FAAH2: variants seen among roughly 807,000 people sequenced by gnomAD.
The protein encoded by FAAH2 is fatty-acid amide hydrolase 2.
FAAH2 carries 60 observed loss-of-function variants against 36.9 expected under a neutral mutation model. The observed-to-expected ratio is 1.63, with a 90% CI of 1.32 to 2.02. The LOEUF (loss-of-function observed/expected upper bound fraction) is 2.02, where lower values mean the gene tolerates loss of function less well. FAAH2 is among the 30% of genes most tolerant of loss of function. FAAH2 has a pLI of 0.00. For missense variants in FAAH2, 689 were observed against 397.5 expected (o/e 1.73, Z -6.23); for synonymous variants, 214 against 143.8 (o/e 1.49, Z -3.49).
intron 7 of FAAH2, among the ~76,000 whole-genome samples, chrX:57,416,170 C>T (rs1466357884): frequency 1.8e-5 from 2 of 111,101 alleles, no homozygotes; most frequent in East Asian, 2.8e-4. Flanking sequence ...TGGCTGTTGA[C>T]TCTTTATCCA....
At chrX:57,226,588 C>T in the FAAH2 span, among the ~76,000 whole-genome samples, 1 of 111,778 alleles carries the variant, frequency 8.9e-6, no homozygotes, top group Non-Finnish European at 1.9e-5. Context: ...AAGATTCTTT[C>T]CTTCATCTTA....
chrX:57,386,757 T>G (rs1275828239), intron 7 of FAAH2, among the ~76,000 whole-genome samples: 1 of 112,031 alleles, frequency 8.9e-6, no homozygotes, highest in Non-Finnish European at 1.9e-5. Context: ...CTAAATGGGT[T>G]TTTTCACTGT....
chrX:57,346,874 A>T (rs1284747529), intron 5 of FAAH2, among the ~76,000 whole-genome samples: 1 of 111,397 alleles, frequency 9.0e-6, no homozygotes, highest in Non-Finnish European at 1.9e-5. Flanking sequence ...TTCTTTGAGG[A>T]TGCTGACAAT....
chrX:57,425,209 AG>A (rs1435678853), intron 7 of FAAH2, among the ~76,000 whole-genome samples: 2 of 111,825 alleles, frequency 1.8e-5, no homozygotes, highest in Non-Finnish European at 3.8e-5. Context: ...GCCTTCAAAA[AG>A]TTTGGAACTA....
chrX:57,455,744 G>A (rs2056854482), intron 10 of FAAH2, among the ~76,000 whole-genome samples: 1 of 111,984 alleles, frequency 8.9e-6, no homozygotes, highest in South Asian at 3.6e-4. Context: ...CAATTCAACA[G>A]GAAGTCTTAA....
At chrX:57,249,830 G>A in the FAAH2 span, among the ~76,000 whole-genome samples, 1 of 111,968 alleles carries the variant, frequency 8.9e-6, no homozygotes, top group East Asian at 2.8e-4. Flanking sequence ...TTGAAGGAAG[G>A]CCACAGATTG....
the FAAH2 span, among the ~76,000 whole-genome samples, chrX:57,249,087 T>C: frequency 4.5e-5 from 5 of 111,368 alleles, no homozygotes; most frequent in Non-Finnish European, 3.8e-5. Flanking sequence ...TACAAAATAC[T>C]ATGTGAATTT....
At chrX:57,236,401 T>A in the FAAH2 span, among the ~76,000 whole-genome samples, 1 of 112,487 alleles carries the variant, frequency 8.9e-6, no homozygotes, top group Non-Finnish European at 1.9e-5. Context: ...AATTTAATAT[T>A]TTGAGGAATC....
intron 5 of FAAH2, among the ~76,000 whole-genome samples, chrX:57,366,595 G>A (rs1195652953): frequency 8.9e-6 from 1 of 112,420 alleles, no homozygotes; most frequent in African/African-American, 3.2e-5. Flanking sequence ...TGTGCATGCT[G>A]GCAGGGTGAT....
At chrX:57,374,157 C>T (rs899482927) in intron 5 of FAAH2, among the ~76,000 whole-genome samples, 10 of 111,497 alleles carry the variant, frequency 9.0e-5, no homozygotes, top group African/African-American at 3.3e-4. Context: ...GTGTTGCCTC[C>T]AGGTTTATGC....
At chrX:57,184,377 C>T in the FAAH2 span, among the ~76,000 whole-genome samples, 4 of 111,920 alleles carry the variant, frequency 3.6e-5, no homozygotes, top group African/African-American at 6.5e-5. Flanking sequence ...GAGGCTCAGG[C>T]GAGCATCACA....
intron 1 of FAAH2, among the ~76,000 whole-genome samples, 161 bp downstream of exon 1, chrX:57,287,178 C>A (rs754955487): frequency 9.0e-6 from 1 of 111,023 alleles, no homozygotes; most frequent in Non-Finnish European, 1.9e-5. Flanking sequence ...TGTTGTAGTA[C>A]GTTTATTTTT....
At chrX:57,232,962 A>G in the FAAH2 span, among the ~76,000 whole-genome samples, 41 of 112,470 alleles carry the variant, frequency 3.6e-4, no homozygotes, top group Non-Finnish European at 7.1e-4. Flanking sequence ...TTAATAAACA[A>G]AAACATCACT....
At position 57,378,692 on chromosome X, in the gene FAAH2, G is replaced by T. The variant is rs765948487; in HGVS notation, c.784G>T (p.Ala262Ser). Residue 262 changes from alanine to serine, a missense_variant, in exon 6 of 11, where the codon GCC (alanine) becomes TCC (serine). Transcript: ENST00000374900. ...NKGQFPLAVG[A>S]QELFLCTGPM... is the part of the protein sequence containing the mutation. ...AGGTCAGTTTCCCTTGGCTGTGGGA[G>T]CCCAGGAGTTGTTTCTGTGCACTGG... 9.1e-6 allele frequency: 11 copies of T among 1,209,190 alleles called. No individual in the cohort carries two copies. In the East Asian group the frequency reaches 2.7e-4, roughly 29 times the overall value.
At chrX:57,325,328 TG>T (rs1200477694) in intron 3 of FAAH2, among the ~76,000 whole-genome samples, 1 of 111,436 alleles carries the variant, frequency 9.0e-6, no homozygotes, top group Non-Finnish European at 1.9e-5. Context: ...TGCCAGGCTT[TG>T]GTATCAGGAT....
At chrX:57,203,843 A>G in the FAAH2 span, among the ~76,000 whole-genome samples, 1 of 111,697 alleles carries the variant, frequency 9.0e-6, no homozygotes, top group Non-Finnish European at 1.9e-5. Context: ...GTTCTTCTAG[A>G]TGCTTTTTTA....
the FAAH2 span, among the ~76,000 whole-genome samples, chrX:57,234,580 G>C: frequency 8.1e-5 from 9 of 111,609 alleles, no homozygotes; most frequent in Non-Finnish European, 1.3e-4. Context: ...CCCATCTTGG[G>C]GTAATGGGAG....
At chrX:57,414,532 A>G (rs1182575070) in intron 7 of FAAH2, among the ~76,000 whole-genome samples, 2 of 111,796 alleles carry the variant, frequency 1.8e-5, no homozygotes, top group African/African-American at 6.5e-5. Context: ...TGATTTGTGT[A>G]TATTGGACAA....
At chrX:57,358,087 G>A (rs781103083) in intron 5 of FAAH2, among the ~76,000 whole-genome samples, 1 of 110,665 alleles carries the variant, frequency 9.0e-6, no homozygotes, top group Non-Finnish European at 1.9e-5. Context: ...CTTCAGATAA[G>A]GTTGGCTTTA....
Sources: allele counts gnomAD v4.1 joint callset (sites outside exome capture counted in the v4.1 genomes callset), GRCh38; gene constraint gnomAD v4.1.1; transcripts MANE v1.5; gene names NCBI Gene and HGNC (gene_info 2026-07-23, HGNC 2026-07-21).